The following KIAA2013 variants were observed in gnomAD, a reference collection of about 807,000 sequenced individuals.
The protein encoded by KIAA2013 is uncharacterized protein KIAA2013.
A neutral mutation model predicts 39.9 loss-of-function variants in KIAA2013; 20 were observed. The ratio of observed to expected loss-of-function variants is 0.50; its 90% CI spans 0.35 to 0.73. The LOEUF is 0.73. KIAA2013 is among the 30% of genes least tolerant of loss of function. KIAA2013 has a pLI of 0.01. For synonymous variants in KIAA2013, 336 were observed against 416.6 expected, an observed-to-expected ratio of 0.81 and a Z score of 2.35; for missense variants, 587 against 856.1, an observed-to-expected ratio of 0.69 and a Z score of 3.92.
intron 2 of KIAA2013, 81 bp downstream of exon 2, chr1:11,922,555 T>A: frequency 6.4e-7 from 1 of 1,568,644 alleles, no homozygotes; most frequent in Non-Finnish European, 8.6e-7. Context: ...TCACCCCCCC[T>A]CGCCAGGCTA....
At chr1:11,924,189 C>T (rs759750356) in intron 1 of KIAA2013, among the ~76,000 whole-genome samples, 3 of 148,518 alleles carry the variant, frequency 2.0e-5, no homozygotes, top group South Asian at 2.3e-4. Flanking sequence ...TCTCGCCGGG[C>T]GCGGTGGCTC....
intron 2 of KIAA2013, 152 bp from the exon 3 acceptor site, chr1:11,920,484 T>C: frequency 1.3e-6 from 1 of 780,914 alleles, no homozygotes; most frequent in Non-Finnish European, 2.2e-6. Flanking sequence ...GCCTGGGCCC[T>C]TCTGGAGCTG....
At position 11,922,615 on chromosome 1, in the gene KIAA2013, G is replaced by A. The variant is rs368135380; in HGVS notation, c.1887+21C>T. ...GAGCAAGGCCAAGGCCTCGGGTTTCGACCAGATGGCGGCTTCCTACCTTAC... is the reference window on the plus strand; with the variant it reads ...GAGCAAGGCCAAGGCCTCGGGTTTCAACCAGATGGCGGCTTCCTACCTTAC... On this transcript the variant is annotated intron_variant, in intron 2 of 2. Coordinates refer to ENST00000376572, the MANE Select transcript of KIAA2013 (RefSeq NM_138346.3). The A allele has an allele frequency of 3.6e-5, 58 of 1,611,286 alleles. 1 individual carries two copies. The African/African-American group carries it at 3.6e-4, about 10-fold the overall frequency.
chr1:11,924,861 C>T (rs1645496682), intron 1 of KIAA2013, among the ~76,000 whole-genome samples: 2 of 152,172 alleles, frequency 1.3e-5, no homozygotes, highest in African/African-American at 4.8e-5. Flanking sequence ...AGGGGATCCA[C>T]CTGCTGGTTT....
In KIAA2013 at chr1:11,926,167, C is replaced by G; in HGVS notation, c.71G>C (p.Cys24Ser). Residue 24 changes from cysteine (C) to serine (S), a missense_variant, in exon 1 of 3, where the codon TGC becomes TCC. By Grantham distance (112) the Cys-to-Ser change is moderately radical (BLOSUM62 -1). Transcript: ENST00000376572. ...LSSSWARRLL[C>S]LLGLLLLLLW... ...AAGCAGCAGCAGGAGGCCAAGCAGG[C>G]AGAGGAGGCGGCGGGCCCAGCTGCT... The G allele has an allele frequency of 7.2e-7, 1 of 1,396,276 alleles. No individual in the cohort carries two copies. The highest frequency in any genetic ancestry group is 9.4e-7 in the Non-Finnish European group (1 of 1,068,242). The allele number at this position is 1,396,276 out of a possible 1,614,324, so 86.5% of individuals were successfully genotyped here.
At chr1:11,922,414 A>G (rs1645479691) in intron 2 of KIAA2013, 2 of 1,444,242 alleles carry the variant, frequency 1.4e-6, no homozygotes, top group Admixed American at 5.7e-5. Flanking sequence ...CTGCCCTGGA[A>G]AGCCAGAAGA....
At position 11,925,449 on chromosome 1, in the gene KIAA2013, C is replaced by T. The variant is rs754974122; in HGVS notation, c.789G>A (p.Val263=). 6.2e-7 allele frequency: 1 copy of T among 1,611,368 alleles called. No individual in the cohort carries two copies. Among genetic ancestry groups the T allele is most frequent in the South Asian group, 1.1e-5 (1 of 90,982 alleles). Residue 263 remains valine, a synonymous_variant, in exon 1 of 3, where the codon GTG becomes GTA. Coordinates refer to ENST00000376572, the MANE Select transcript of KIAA2013 (RefSeq NM_138346.3). The surrounding 1 kb of genome is among the most constrained non-coding windows in gnomAD (Gnocchi z 5.2). The part of the protein sequence containing the change: ...PTPTGLVHLV[V]VAAKKLVNRL... ...GGTTCACCAGCTTCTTGGCGGCCACCACCACCAGGTGCACCAACCCAGTGG... is the reference window on the plus strand; with the variant it reads ...GGTTCACCAGCTTCTTGGCGGCCACTACCACCAGGTGCACCAACCCAGTGG...
At position 11,920,106 on chromosome 1, in the gene KIAA2013, A is replaced by C. The variant is rs112700575; in HGVS notation, c.*209T>G. 3.0e-5 allele frequency: 19 copies of C among 630,680 alleles called. 2 individuals carry two copies. The highest frequency in any genetic ancestry group is 2.2e-4 in the African/African-American group (12 of 54,958). 39.1% of individuals were successfully genotyped at this position (630,680 alleles called of 1,614,324 possible). A position where few individuals can be genotyped will look rare whatever the true frequency, so the allele number is the denominator to read the frequency against. On this transcript the variant is annotated 3_prime_UTR_variant, in exon 3 of 3. Coordinates refer to ENST00000376572, the MANE Select transcript of KIAA2013 (RefSeq NM_138346.3). ...ATTTTATTGAGTGGAAAGCTTACAA[A>C]AGGTCCACTGGCCCCTTCCCTCCCC...
chr1:11,923,335 A>C lies in KIAA2013; in HGVS notation c.1188T>G (p.Tyr396Ter). 6.2e-7 allele frequency: 1 copy of C among 1,613,902 alleles called. No homozygotes were observed. The change falls in exon 2 of 3, where the codon TAT (tyrosine) becomes TAG (stop). Residue 396 changes from tyrosine to a stop codon, truncating the protein, a stop_gained. Coordinates refer to ENST00000376572, the MANE Select transcript of KIAA2013 (RefSeq NM_138346.3). LOFTEE classifies it high-confidence loss of function. The surrounding 1 kb of genome is among the most constrained non-coding windows in gnomAD (Gnocchi z 4.6). ...ERDQMESTLN[Y>*]EDHCFSGHAT... ...CGTGCCCGCTGAAGCAGTGATCTTC[A>C]TAGTTGAGCGTCGACTCCATCTGGT...
chr1:11,920,371 G>A, intron 2 of KIAA2013, 39 bp from the exon 3 acceptor site: 1 of 1,610,802 alleles, frequency 6.2e-7, no homozygotes, highest in Non-Finnish European at 8.5e-7. Flanking sequence ...ACTGTTCACT[G>A]CCAACCCCAG....
chr1:11,921,764 G>A (rs1645476035), intron 2 of KIAA2013, among the ~76,000 whole-genome samples: 1 of 151,986 alleles, frequency 6.6e-6, no homozygotes, highest in South Asian at 2.1e-4. Flanking sequence ...TGGCCAGGCT[G>A]GTCTTGAACT....
At position 11,925,119 on chromosome 1, in the gene KIAA2013, A is replaced by C; in HGVS notation, c.1033+86T>G. 7.6e-7 allele frequency: 1 copy of C among 1,311,264 alleles called. No homozygotes were observed. The highest frequency in any genetic ancestry group is 1.0e-6 in the Non-Finnish European group (1 of 964,616). The allele number at this position is 1,311,264 out of a possible 1,614,324, so 81.2% of individuals were successfully genotyped here. On this transcript the variant is annotated intron_variant, in intron 1 of 2. Coordinates refer to ENST00000376572, the MANE Select transcript of KIAA2013 (RefSeq NM_138346.3). This position sits in a 1 kb window ranked among gnomAD's most constrained non-coding sequence, Gnocchi z 5.2. ...TGGTGAAACGCCAAGCCCAAGTTTCAACCACCCCACCATCACCTTCAGTGT... is the reference window on the plus strand; with the variant it reads ...TGGTGAAACGCCAAGCCCAAGTTTCCACCACCCCACCATCACCTTCAGTGT...
chr1:11,921,259 G>C (rs1645472803), intron 2 of KIAA2013, among the ~76,000 whole-genome samples: 1 of 152,204 alleles, frequency 6.6e-6, no homozygotes, highest in African/African-American at 2.4e-5. Context: ...CAGCAATGCT[G>C]ATGCTAAGAT....
In KIAA2013 at chr1:11,925,879, G is replaced by A; in HGVS notation, c.359C>T (p.Pro120Leu). The A allele has an allele frequency of 6.5e-7, 1 of 1,529,364 alleles. No homozygotes were observed. Among genetic ancestry groups the A allele is most frequent in the African/African-American group, 1.4e-5 (1 of 71,576 alleles). 94.7% of individuals were successfully genotyped at this position (1,529,364 alleles called of 1,614,324 possible). A position where few individuals can be genotyped will look rare whatever the true frequency, so the allele number is the denominator to read the frequency against. ...TPGEREPAVA[P>L]DFVPFVQLRP... ...CAGCTGCACGAAGGGCACAAAGTCC[G>A]GCGCCACGGCGGGCTCCCGCTCCCC... Residue 120 changes from proline to leucine, a missense_variant, in exon 1 of 3, where the codon CCG becomes CTG. Transcript: ENST00000376572. This position sits in a 1 kb window ranked among gnomAD's most constrained non-coding sequence, Gnocchi z 5.2.
chr1:11,923,372 T>G lies in KIAA2013; in HGVS notation c.1151A>C (p.His384Pro), dbSNP rs1249346604. The change falls in exon 2 of 3, where the codon CAC (histidine) becomes CCC (proline). Residue 384 changes from histidine (H) to proline (P), a missense_variant. By Grantham distance (77) the His-to-Pro change is moderately conservative (BLOSUM62 -2). Coordinates refer to ENST00000376572, the MANE Select transcript of KIAA2013 (RefSeq NM_138346.3). This position sits in a 1 kb window ranked among gnomAD's most constrained non-coding sequence, Gnocchi z 4.6. Reference sequence around the variant, plus strand: ...CGACTCCATCTGGTCTCGCTCCCTGTGGCTCAGGGAGGGGCTGAGCAGTGG... The same window carrying G: ...CGACTCCATCTGGTCTCGCTCCCTGGGGCTCAGGGAGGGGCTGAGCAGTGG... ...PAPLLSPSLSHRERDQMESTL... is the reference protein window; with the variant it reads ...PAPLLSPSLSPRERDQMESTL... 6.2e-7 allele frequency: 1 copy of G among 1,613,334 alleles called. No homozygotes were observed. Among genetic ancestry groups the G allele is most frequent in the Non-Finnish European group, 8.5e-7 (1 of 1,180,016 alleles).
In KIAA2013 at chr1:11,926,259, G is replaced by C. The variant is rs921121933; in HGVS notation, c.-22C>G. ...ACATCGGGCCGCCAGGCGCGGGCAA[G>C]GGTGCGAGGGCGGCCGCCGGGCCCG... On this transcript the variant is annotated 5_prime_UTR_variant, in exon 1 of 3. Transcript: ENST00000376572. 4 of 1,101,662 alleles carry C rather than the reference G, an allele frequency of 3.6e-6. No individual in the cohort carries two copies. The highest frequency in any genetic ancestry group is 4.4e-6 in the Non-Finnish European group (4 of 905,000). The allele number at this position is 1,101,662 out of a possible 1,614,324, so 68.2% of individuals were successfully genotyped here.
chr1:11,922,720 T>G lies in KIAA2013; in HGVS notation c.1803A>C (p.Leu601=). The G allele has an allele frequency of 6.2e-7, 1 of 1,613,740 alleles. No homozygotes were observed. Among genetic ancestry groups the G allele is most frequent in the Non-Finnish European group, 8.5e-7 (1 of 1,179,866 alleles). Residue 601 remains leucine (L), a synonymous_variant, in exon 2 of 3, where the codon CTA becomes CTC. Transcript: ENST00000376572. ...AGAGGAAGAGGTGGAAGAGGGTGATTAGGGAGGCCACGCTGAACCAGAAGA... is the reference window on the plus strand; with the variant it reads ...AGAGGAAGAGGTGGAAGAGGGTGATGAGGGAGGCCACGCTGAACCAGAAGA... ...PFLFWFSVAS[L]ITLFHLFLFK... is the part of the protein sequence containing the mutation.
Position 11,922,789 on chromosome 1 carries a change from G to A in KIAA2013, c.1734C>T (p.Ala578=). 6.2e-7 allele frequency: 1 copy of A among 1,613,622 alleles called. No individual in the cohort carries two copies. The highest frequency in any genetic ancestry group is 8.5e-7 in the Non-Finnish European group (1 of 1,179,674). Residue 578 remains alanine, a synonymous_variant, in exon 2 of 3, where the codon GCC becomes GCT. Transcript: ENST00000376572. ...RHTLHLKAIL[A]HDEHMAQQDP... ...CCTGCTGGGCCATGTGCTCATCATG[G>A]GCCAGGATGGCCTTGAGGTGCAGCG...
chr1:11,924,977 C>T (rs1441525471), intron 1 of KIAA2013, among the ~76,000 whole-genome samples: 1 of 152,236 alleles, frequency 6.6e-6, no homozygotes, highest in East Asian at 1.9e-4. Context: ...TTGTCCACTA[C>T]AGTCTCATAA....
Sources: allele counts gnomAD v4.1 joint callset (sites outside exome capture counted in the v4.1 genomes callset), GRCh38; gene constraint gnomAD v4.1.1; non-coding constraint Gnocchi (gnomAD v3.1); transcripts MANE v1.5; gene names NCBI Gene and HGNC (gene_info 2026-07-23, HGNC 2026-07-21).